The following BDP1 variants were observed in gnomAD, a reference collection of about 807,000 sequenced individuals.
The protein encoded by BDP1 is transcription factor TFIIIB component B'' homolog.
In BDP1, 169 loss-of-function variants were observed where a neutral mutation model predicts 266.6. The ratio of observed to expected loss-of-function variants is 0.63; its 90% CI spans 0.56 to 0.72. BDP1 has a LOEUF of 0.72. Ranked by LOEUF, BDP1 falls within the 30% of genes least tolerant of loss-of-function variation. The probability of loss-of-function intolerance (pLI) is 0.00; values close to 1 mark genes in which losing one functional copy is unlikely to be tolerated. For missense variants in BDP1, 3,015 were observed against 3,053.8 expected, an observed-to-expected ratio of 0.99 and a Z score of 0.30; for synonymous variants, 1,090 against 1,022.4, an observed-to-expected ratio of 1.07 and a Z score of -1.26.
intron 4 of BDP1, among the ~76,000 whole-genome samples, chr5:71,465,714 C>T (rs763668685): frequency 5.3e-5 from 8 of 152,112 alleles, no homozygotes; most frequent in Non-Finnish European, 1.0e-4. Flanking sequence ...AAACCCGTCT[C>T]TACTAAAAAT....
chr5:71,504,347 T>A (rs1764445130), intron 15 of BDP1, among the ~76,000 whole-genome samples: 1 of 151,698 alleles, frequency 6.6e-6, no homozygotes, highest in Non-Finnish European at 1.5e-5. Context: ...TTCAGAAAGA[T>A]AGACCCCACA....
rs1481841339 is a variant in BDP1, at chr5:71,495,256, A to G, written c.1647A>G (p.Gln549=). 5.2e-6 allele frequency: 8 copies of G among 1,548,016 alleles called. No homozygotes were observed. Among genetic ancestry groups the G allele is most frequent in the Non-Finnish European group, 6.1e-6 (7 of 1,147,712 alleles). The change falls in exon 12 of 39, where the codon CAA becomes CAG. Residue 549 remains glutamine (Q), a synonymous_variant. Transcript: ENST00000358731. ...AATATTTTCTTTTTTTTAGTAATCA[A>G]CAAGATGCCACATCAGTAGCAACTG... The part of the protein sequence containing the change: ...RTDPILSLSN[Q]QDATSVATES...
At chr5:71,515,595 A>G (rs1167245623) in intron 20 of BDP1, among the ~76,000 whole-genome samples, 1 of 152,210 alleles carries the variant, frequency 6.6e-6, no homozygotes, top group Non-Finnish European at 1.5e-5. Context: ...TTATATGTAT[A>G]TAAGCTATAT....
intron 11 of BDP1, 81 bp downstream of exon 11, chr5:71,491,212 T>G: frequency 7.6e-7 from 1 of 1,314,398 alleles, no homozygotes; most frequent in Non-Finnish European, 1.1e-6. Context: ...TCTGTAACTG[T>G]GGATTTGCCT....
chr5:71,458,908 G>A, intron 2 of BDP1, 53 bp downstream of exon 2: 1 of 1,518,246 alleles, frequency 6.6e-7, no homozygotes, highest in Admixed American at 2.1e-5. Flanking sequence ...TGTTAGTAAG[G>A]AATCATTGGG....
chr5:71,460,495 G>A (rs1414381818), intron 2 of BDP1, among the ~76,000 whole-genome samples: 1 of 152,174 alleles, frequency 6.6e-6, no homozygotes, highest in Non-Finnish European at 1.5e-5. Context: ...ATTAAGGGAA[G>A]GCATTTTGCT....
At chr5:71,570,479 G>A (rs917778197), downstream of BDP1, among the ~76,000 whole-genome samples, 1 of 152,188 alleles carries the variant, frequency 6.6e-6, no homozygotes, top group African/African-American at 2.4e-5. Context: ...GGAGACTTGA[G>A]TTTGGTTCTT....
chr5:71,477,979 G>A (rs576886780), intron 7 of BDP1, among the ~76,000 whole-genome samples: 2 of 152,198 alleles, frequency 1.3e-5, no homozygotes, highest in South Asian at 2.1e-4. Flanking sequence ...AGCCGGGTGC[G>A]GTGATTCACG....
chr5:71,539,525 T>C, intron 27 of BDP1, 32 bp from the exon 28 acceptor site: 1 of 1,496,352 alleles, frequency 6.7e-7, no homozygotes, highest in Non-Finnish European at 9.2e-7. Context: ...GGATTCATTC[T>C]TTTTTTTAAT....
chr5:71,502,616 G>A lies in BDP1; in HGVS notation c.2066G>A (p.Cys689Tyr). Residue 689 changes from cysteine to tyrosine, a missense_variant, in exon 15 of 39, where the codon TGT becomes TAT. By Grantham distance (194) the Cys-to-Tyr change is radical. Around this residue, in one of 3 missense-constraint regions of BDP1, gnomAD observed 2,383 missense variants for 2,404.9 expected, o/e 0.99. Coordinates refer to ENST00000358731, the MANE Select transcript of BDP1 (RefSeq NM_018429.3). ...ETVSVLGEKNCLQEGSQLKAL... is the reference protein window; with the variant it reads ...ETVSVLGEKNYLQEGSQLKAL... Reference sequence around the variant, plus strand: ...GGTTCTAGTTTGGGTGAAAAAAATTGTCTGCAGGAAGGGAGTCAACTAAAG... The same window carrying A: ...GGTTCTAGTTTGGGTGAAAAAAATTATCTGCAGGAAGGGAGTCAACTAAAG... 1 of 1,590,282 alleles carries A rather than the reference G, an allele frequency of 6.3e-7. No individual in the cohort carries two copies. The highest frequency in any genetic ancestry group is 8.5e-7 in the Non-Finnish European group (1 of 1,171,848).
chr5:71,526,715 T>TCTCAG (rs1354291736), intron 25 of BDP1, among the ~76,000 whole-genome samples: 8 of 134,846 alleles, frequency 5.9e-5, no homozygotes, highest in Non-Finnish European at 1.6e-5. Context: ...AAAGACGGGG[T>TCTCAG]CTCAGTCTGT....
intron 1 of BDP1, among the ~76,000 whole-genome samples, chr5:71,456,941 C>A (rs11744961): frequency 0.47 from 71,373 of 151,912 alleles, 17,047 homozygotes; most frequent in South Asian, 0.55. Flanking sequence ...GAAGGTGAAA[C>A]ATTTATTTAT....
chr5:71,549,455 G>T lies in BDP1; in HGVS notation c.6844G>T (p.Asp2282Tyr), dbSNP rs746369999. Residue 2282 changes from aspartate (D) to tyrosine (Y), a missense_variant, in exon 34 of 39, where the codon GAT (aspartate) becomes TAT (tyrosine). By Grantham distance (160) the Asp-to-Tyr change is radical. Coordinates refer to ENST00000358731, the MANE Select transcript of BDP1 (RefSeq NM_018429.3). ...LVANVPQDGEDEQAFILTLVE... is the reference protein window; with the variant it reads ...LVANVPQDGEYEQAFILTLVE... Reference sequence around the variant, plus strand: ...TGCTAATGTACCTCAAGATGGAGAAGATGAACAAGCCTTTATTTTAACTCT... The same window carrying T: ...TGCTAATGTACCTCAAGATGGAGAATATGAACAAGCCTTTATTTTAACTCT... 3 of 1,613,902 alleles carry T rather than the reference G, an allele frequency of 1.9e-6. No individual in the cohort carries two copies. The African/African-American group carries it at 4.0e-5, about 22-fold the overall frequency.
At chr5:71,524,858 A>G (rs1374149381) in intron 25 of BDP1, among the ~76,000 whole-genome samples, 2 of 150,286 alleles carry the variant, frequency 1.3e-5, no homozygotes, top group African/African-American at 5.0e-5. Context: ...GCTGCCTTCA[A>G]GCATCTGTTT....
intron 32 of BDP1, 36 bp downstream of exon 32, chr5:71,545,255 G>A: frequency 6.5e-7 from 1 of 1,548,188 alleles, no homozygotes; most frequent in South Asian, 1.2e-5. Flanking sequence ...GGATAGCAAG[G>A]TGTTTTCCTC....
At chr5:71,477,691 G>A (rs1024741523) in intron 7 of BDP1, among the ~76,000 whole-genome samples, 4 of 151,332 alleles carry the variant, frequency 2.6e-5, no homozygotes, top group Non-Finnish European at 5.9e-5. Context: ...TGTGATTGTG[G>A]CTACCTGCAG....
the BDP1 span, among the ~76,000 whole-genome samples, chr5:71,576,519 C>G: frequency 6.6e-6 from 1 of 152,062 alleles, no homozygotes; most frequent in Non-Finnish European, 1.5e-5. Context: ...CATTCCTGGC[C>G]CAATCGCCTT....
At chr5:71,501,358 T>C (rs1371750876) in intron 13 of BDP1, among the ~76,000 whole-genome samples, 5 of 152,128 alleles carry the variant, frequency 3.3e-5, no homozygotes, top group African/African-American at 1.2e-4. Context: ...TGTATTTTAG[T>C]AGAGACAGTT....
At chr5:71,456,713 G>A (rs188225909) in intron 1 of BDP1, among the ~76,000 whole-genome samples, 6 of 152,314 alleles carry the variant, frequency 3.9e-5, no homozygotes, top group African/African-American at 1.4e-4. Flanking sequence ...TACTTGGAGC[G>A]TTTTGGTGCA....
Sources: allele counts gnomAD v4.1 joint callset (sites outside exome capture counted in the v4.1 genomes callset), GRCh38; gene constraint gnomAD v4.1.1; regional missense constraint gnomAD v4.1.1; transcripts MANE v1.5; gene names NCBI Gene and HGNC (gene_info 2026-07-23, HGNC 2026-07-21).